Variants in RRAS2 observed in about 807,000 individuals in gnomAD.
RRAS2 encodes the protein ras-related protein R-Ras2.
RRAS2 carries 7 observed loss-of-function variants against 27.6 expected under a neutral mutation model. The observed-to-expected ratio is 0.25, with a 90% CI of 0.14 to 0.48. RRAS2 has a LOEUF of 0.48. Ranked by LOEUF, RRAS2 falls within the 20% of genes least tolerant of loss-of-function variation. The probability of loss-of-function intolerance (pLI) is 0.99; values close to 1 mark genes in which losing one functional copy is unlikely to be tolerated. For missense variants in RRAS2, 178 were observed against 256.2 expected (o/e 0.69, Z 2.08); for synonymous variants, 86 against 90.9 (o/e 0.95, Z 0.31).
chr11:14,294,749 A>G lies in RRAS2; in HGVS notation c.299+11T>C. 6.2e-7 allele frequency: 1 copy of G among 1,609,184 alleles called. No individual in the cohort carries two copies. On this transcript the variant is annotated intron_variant, in intron 3 of 5. Transcript: ENST00000256196. ...AAGAACAGTGGATCTACATTCTAAT[A>G]TGGTACAAACCTGCCTCTATCTGTG...
intron 1 of RRAS2, among the ~76,000 whole-genome samples, chr11:14,327,228 A>C (rs1325262328): frequency 6.6e-6 from 1 of 152,240 alleles, no homozygotes; most frequent in African/African-American, 2.4e-5. Flanking sequence ...TGAATTTCTT[A>C]ACAGATTATT....
At chr11:14,356,550 G>T in intron 1 of RRAS2, 1 of 260,222 alleles carries the variant, frequency 3.8e-6, no homozygotes. Flanking sequence ...AGAAAACTGA[G>T]GCTCAGAGAG....
At chr11:14,343,479 C>T (rs186815100) in intron 1 of RRAS2, among the ~76,000 whole-genome samples, 80 of 152,276 alleles carry the variant, frequency 5.3e-4, no homozygotes, top group Admixed American at 9.2e-4. Context: ...AAAACATCTT[C>T]GCAGTGGTTA....
intron 1 of RRAS2, among the ~76,000 whole-genome samples, chr11:14,338,083 T>C (rs1434619761): frequency 6.6e-6 from 1 of 152,162 alleles, no homozygotes; most frequent in Non-Finnish European, 1.5e-5. Flanking sequence ...TTAAAAGTTA[T>C]ATTATAAACA....
chr11:14,280,648 C>A (rs1253500356), intron 5 of RRAS2, among the ~76,000 whole-genome samples: 2 of 144,172 alleles, frequency 1.4e-5, no homozygotes, highest in Non-Finnish European at 3.0e-5. Context: ...ATTGCTTGAA[C>A]CCAGGAGGCG....
At chr11:14,317,613 A>G (rs782440818) in intron 1 of RRAS2, among the ~76,000 whole-genome samples, 12 of 152,232 alleles carry the variant, frequency 7.9e-5, no homozygotes, top group Admixed American at 2.6e-4. Context: ...GGCAAGATGA[A>G]TTCATATTGA....
At chr11:14,286,497 AGGTTT>A (rs1554945050) in intron 4 of RRAS2, among the ~76,000 whole-genome samples, 1 of 152,196 alleles carries the variant, frequency 6.6e-6, no homozygotes, top group Non-Finnish European at 1.5e-5. Flanking sequence ...AAGAAATATA[AGGTTT>A]TCTACTTTGA....
intron 4 of RRAS2, among the ~76,000 whole-genome samples, chr11:14,287,601 G>A (rs1473584306): frequency 6.6e-6 from 1 of 152,086 alleles, no homozygotes; most frequent in Non-Finnish European, 1.5e-5. Context: ...GCCAGGCATG[G>A]TGGCTCATGC....
At chr11:14,316,551 G>A (rs1328096371) in intron 1 of RRAS2, among the ~76,000 whole-genome samples, 1 of 152,144 alleles carries the variant, frequency 6.6e-6, no homozygotes, top group Non-Finnish European at 1.5e-5. Context: ...ACTGGCCTAG[G>A]CAACATAGCA....
intron 1 of RRAS2, among the ~76,000 whole-genome samples, chr11:14,322,359 G>A (rs900408711): frequency 3.3e-5 from 5 of 151,762 alleles, no homozygotes; most frequent in Admixed American, 3.3e-4. Flanking sequence ...AGGATCACTT[G>A]AGTGCAGGAG....
At chr11:14,311,829 A>C (rs1847975725) in intron 1 of RRAS2, among the ~76,000 whole-genome samples, 1 of 152,070 alleles carries the variant, frequency 6.6e-6, no homozygotes, top group South Asian at 2.1e-4. Context: ...TACACACACA[A>C]ACAAGATATG....
At chr11:14,327,203 T>C (rs1848379805) in intron 1 of RRAS2, among the ~76,000 whole-genome samples, 1 of 152,234 alleles carries the variant, frequency 6.6e-6, no homozygotes, top group African/African-American at 2.4e-5. Context: ...AGTTTTAAGA[T>C]GCAATATGCA....
chr11:14,311,423 G>GCC (rs1554948833), intron 1 of RRAS2, among the ~76,000 whole-genome samples: 2 of 152,246 alleles, frequency 1.3e-5, no homozygotes, highest in East Asian at 3.9e-4. Context: ...CTGGAGTGCA[G>GCC]TGGCACAATC....
intron 1 of RRAS2, among the ~76,000 whole-genome samples, chr11:14,301,845 A>G (rs1375511833): frequency 1.3e-5 from 2 of 151,996 alleles, no homozygotes; most frequent in African/African-American, 4.8e-5. Flanking sequence ...TGGGCGTGAT[A>G]GCGGGCACCT....
intron 1 of RRAS2, chr11:14,354,559 AAAGT>A (rs782471899): frequency 4.6e-5 from 7 of 152,324 alleles, no homozygotes; most frequent in East Asian, 1.9e-4. Flanking sequence ...ATGAAGACTT[AAAGT>A]AATAGACCAG....
At chr11:14,280,657 C>T (rs1179445608) in intron 5 of RRAS2, among the ~76,000 whole-genome samples, 1 of 122,358 alleles carries the variant, frequency 8.2e-6, no homozygotes, top group African/African-American at 3.2e-5. Context: ...ACCCAGGAGG[C>T]GGAGGTTGTA....
At chr11:14,287,237 T>C (rs1554945161) in intron 4 of RRAS2, among the ~76,000 whole-genome samples, 2 of 152,204 alleles carry the variant, frequency 1.3e-5, no homozygotes, top group Non-Finnish European at 2.9e-5. Flanking sequence ...CCTCTGAGGC[T>C]AGGAAGTTAA....
intron 1 of RRAS2, among the ~76,000 whole-genome samples, chr11:14,301,805 C>T (rs1847712702): frequency 6.6e-6 from 1 of 152,114 alleles, no homozygotes; most frequent in African/African-American, 2.4e-5. Context: ...ATGGTGAAAC[C>T]CCGTGTCTAC....
At chr11:14,329,955 G>C (rs1193240169) in intron 1 of RRAS2, among the ~76,000 whole-genome samples, 1 of 152,026 alleles carries the variant, frequency 6.6e-6, no homozygotes, top group Non-Finnish European at 1.5e-5. Flanking sequence ...CATGCTTGTA[G>C]TCCTAGCTCT....
Sources: allele counts gnomAD v4.1 joint callset (sites outside exome capture counted in the v4.1 genomes callset), GRCh38; gene constraint gnomAD v4.1.1; transcripts MANE v1.5; gene names NCBI Gene and HGNC (gene_info 2026-07-23, HGNC 2026-07-21).